The following MID1 variants were observed in gnomAD, a reference collection of about 807,000 sequenced individuals.
The protein encoded by MID1 is E3 ubiquitin-protein ligase Midline-1.
MID1 carries 7 observed loss-of-function variants against 40.4 expected under a neutral mutation model. That is an observed-to-expected ratio of 0.17 (90% CI 0.10 to 0.33). The LOEUF (loss-of-function observed/expected upper bound fraction) is 0.33, where lower values mean the gene tolerates loss of function less well. MID1 is among the 10% of genes least tolerant of loss of function. The pLI is 1.00. For synonymous variants in MID1, 229 were observed against 221.2 expected (o/e 1.04, Z -0.31); for missense variants, 367 against 558.5 (o/e 0.66, Z 3.46).
intron 5 of MID1, among the ~76,000 whole-genome samples, chrX:10,478,805 AATCTC>A (rs946156158): frequency 2.7e-5 from 3 of 112,340 alleles, no homozygotes; most frequent in African/African-American, 9.7e-5. Context: ...CGATGCAGAA[AATCTC>A]ATCTAAGTCT....
At chrX:10,517,326 G>T (rs978495368) in intron 3 of MID1, among the ~76,000 whole-genome samples, 1 of 111,968 alleles carries the variant, frequency 8.9e-6, no homozygotes, top group Non-Finnish European at 1.9e-5. Flanking sequence ...TGTGGACCAG[G>T]AAATTCTTTT....
At chrX:10,710,088 C>A (rs769342234) in intron 1 of MID1, among the ~76,000 whole-genome samples, 1 of 111,709 alleles carries the variant, frequency 9.0e-6, no homozygotes, top group Admixed American at 9.6e-5. Context: ...AGCTACCTGG[C>A]GGTCCAACAT....
At chrX:10,768,251 A>C (rs1287876061) in intron 1 of MID1, among the ~76,000 whole-genome samples, 1 of 111,581 alleles carries the variant, frequency 9.0e-6, no homozygotes, top group Non-Finnish European at 1.9e-5. Context: ...TTTTATAATC[A>C]TAATAAATTA....
chrX:10,510,751 G>C (rs1245591644), intron 3 of MID1, among the ~76,000 whole-genome samples: 1 of 97,491 alleles, frequency 1.0e-5, no homozygotes. Context: ...AGAATTGCTT[G>C]AACCCAGGAG....
chrX:10,453,080 G>A (rs1420037686), intron 9 of MID1, among the ~76,000 whole-genome samples: 1 of 111,682 alleles, frequency 9.0e-6, no homozygotes, highest in African/African-American at 3.3e-5. Flanking sequence ...TGCCAATCTA[G>A]CCCAGAGCCT....
intron 1 of MID1, among the ~76,000 whole-genome samples, chrX:10,693,472 G>A (rs765235791): frequency 6.8e-4 from 75 of 110,371 alleles, no homozygotes; most frequent in Admixed American, 1.7e-3. Context: ...GATTATAAGC[G>A]TGAGCCACTG....
intron 1 of MID1, among the ~76,000 whole-genome samples, chrX:10,645,969 T>C (rs1040880814): frequency 1.8e-5 from 2 of 111,191 alleles, no homozygotes; most frequent in African/African-American, 6.6e-5. Flanking sequence ...TTTGATAAGC[T>C]CCTCAGAACA....
intron 1 of MID1, among the ~76,000 whole-genome samples, chrX:10,674,403 G>A (rs918736848): frequency 8.9e-6 from 1 of 112,266 alleles, no homozygotes; most frequent in Non-Finnish European, 1.9e-5. Context: ...TTCTAGCCTT[G>A]GTCGCCTCTG....
intron 1 of MID1, among the ~76,000 whole-genome samples, chrX:10,627,131 TAAAC>T (rs1936003412): frequency 8.9e-6 from 1 of 111,982 alleles, no homozygotes; most frequent in African/African-American, 3.2e-5. Flanking sequence ...TAGTTTAAAA[TAAAC>T]AAAAAGATAC....
chrX:10,485,541 T>C (rs1930571071), intron 4 of MID1, among the ~76,000 whole-genome samples: 1 of 111,930 alleles, frequency 8.9e-6, no homozygotes, highest in Non-Finnish European at 1.9e-5. Flanking sequence ...TTGCAACTTT[T>C]GGAATTTACT....
At chrX:10,511,670 TGA>T (rs931958106) in intron 3 of MID1, among the ~76,000 whole-genome samples, 6 of 112,366 alleles carry the variant, frequency 5.3e-5, no homozygotes, top group African/African-American at 1.9e-4. Context: ...ATTACAGGTG[TGA>T]GTCACTGCAC....
Position 10,743,748 on chromosome X carries a change from G to A in MID1, c.-187+89806C>T, listed in dbSNP as rs1429871852. 2.7e-5 allele frequency among the ~76,000 whole-genome samples: 3 copies of A among 112,186 alleles called. No individual in the cohort carries two copies. The Admixed American group carries it at 2.8e-4, about 11-fold the overall frequency. ...CCTTTCAGCAAGCTACAACGCAGTAGAGATGTTTGATCTTATGAAGAATCT... is the reference window on the plus strand; with the variant it reads ...CCTTTCAGCAAGCTACAACGCAGTAAAGATGTTTGATCTTATGAAGAATCT... On this transcript the variant is annotated intron_variant, in intron 1 of 10. Transcript: ENST00000380785.
chrX:10,568,543 G>A (rs1171180314), intron 1 of MID1, among the ~76,000 whole-genome samples: 1 of 111,021 alleles, frequency 9.0e-6, no homozygotes, highest in Non-Finnish European at 1.9e-5. Flanking sequence ...GACCCTTTTG[G>A]CCAAAAAACT....
chrX:10,529,992 G>A, intron 2 of MID1, among the ~76,000 whole-genome samples: 1 of 111,985 alleles, frequency 8.9e-6, no homozygotes, highest in Non-Finnish European at 1.9e-5. Flanking sequence ...AACAACAGAA[G>A]TCTTCCATGC....
chrX:10,638,783 G>C (rs757230814), intron 1 of MID1, among the ~76,000 whole-genome samples: 1 of 111,971 alleles, frequency 8.9e-6, no homozygotes, highest in East Asian at 2.8e-4. Flanking sequence ...ACCTCATACA[G>C]CTGGGTGCCC....
chrX:10,746,901 C>G (rs926934871), intron 1 of MID1, among the ~76,000 whole-genome samples: 1 of 110,441 alleles, frequency 9.1e-6, no homozygotes, highest in African/African-American at 3.3e-5. Flanking sequence ...AAATACTTCT[C>G]TAATGAGAAT....
At chrX:10,750,677 T>C (rs898644713) in intron 1 of MID1, among the ~76,000 whole-genome samples, 1 of 109,476 alleles carries the variant, frequency 9.1e-6, no homozygotes, top group Admixed American at 9.8e-5. Context: ...TAAAATAAAT[T>C]CCCGGCCATC....
chrX:10,568,253 C>A (rs1157519135), intron 1 of MID1, among the ~76,000 whole-genome samples: 3 of 111,600 alleles, frequency 2.7e-5, no homozygotes, highest in Non-Finnish European at 5.6e-5. Context: ...GTGATAGAGG[C>A]AATATTTTTG....
intron 1 of MID1, among the ~76,000 whole-genome samples, chrX:10,777,626 C>T (rs756111015): frequency 9.2e-6 from 1 of 108,876 alleles, no homozygotes; most frequent in African/African-American, 3.3e-5. Context: ...TTGCAACCTC[C>T]ACCTCCCAGG....
Sources: allele counts gnomAD v4.1 joint callset (sites outside exome capture counted in the v4.1 genomes callset), GRCh38; gene constraint gnomAD v4.1.1; transcripts MANE v1.5; gene names NCBI Gene and HGNC (gene_info 2026-07-23, HGNC 2026-07-21).